The following RLN2 variants were observed in gnomAD, a reference collection of about 807,000 sequenced individuals.
RLN2 encodes relaxin 2.
A neutral mutation model predicts 7.3 loss-of-function variants in RLN2; 10 were observed. That is an observed-to-expected ratio of 1.36 (90% CI 0.84 to 2.31). The LOEUF is 2.31. Among genes scored for constraint, RLN2 ranks in the 30% most tolerant of loss-of-function variants. The pLI is 0.00. For missense variants in RLN2, 298 were observed against 217.6 expected, an observed-to-expected ratio of 1.37 and a Z score of -2.32; for synonymous variants, 103 against 82.3, an observed-to-expected ratio of 1.25 and a Z score of -1.36.
In RLN2 at chr9:5,304,656, G is replaced by C; in HGVS notation, c.-76C>G. On this transcript the variant is annotated 5_prime_UTR_variant, in exon 1 of 2. Transcript: ENST00000381627. ...GCAGCTGCTGTGGCCTACACACCTG[G>C]GCCTGTGTGCCTGTCCCGGGCTTTA... The C allele has an allele frequency of 1.4e-6, 2 of 1,465,916 alleles. No homozygotes were observed. Among genetic ancestry groups the C allele is most frequent in the Non-Finnish European group, 9.5e-7 (1 of 1,051,188 alleles). The allele number at this position is 1,465,916 out of a possible 1,614,324, so 90.8% of individuals were successfully genotyped here.
At chr9:5,330,320 A>G in the RLN2 span, among the ~76,000 whole-genome samples, 2 of 152,048 alleles carry the variant, frequency 1.3e-5, no homozygotes, top group African/African-American at 2.4e-5. Flanking sequence ...GAGATCTAAA[A>G]TTGACACTCT....
the RLN2 span, among the ~76,000 whole-genome samples, chr9:5,314,107 C>T: frequency 6.6e-6 from 1 of 152,038 alleles, no homozygotes; most frequent in Non-Finnish European, 1.5e-5. Flanking sequence ...GGAATCCACA[C>T]AGCTACACTC....
chr9:5,336,296 G>A, the RLN2 span, among the ~76,000 whole-genome samples: 12 of 152,056 alleles, frequency 7.9e-5, no homozygotes, highest in Non-Finnish European at 1.5e-4. Flanking sequence ...ATTCATATGT[G>A]CTGTGGTGTA....
chr9:5,328,172 T>C, the RLN2 span, among the ~76,000 whole-genome samples: 1 of 151,970 alleles, frequency 6.6e-6, no homozygotes, highest in South Asian at 2.1e-4. Context: ...GAAAAAAAGT[T>C]AGACGAATGG....
the RLN2 span, among the ~76,000 whole-genome samples, chr9:5,324,771 C>T: frequency 4.6e-5 from 7 of 152,064 alleles, no homozygotes; most frequent in South Asian, 4.2e-4. Context: ...CAGAGGCTGG[C>T]GTATTATTAT....
the RLN2 span, among the ~76,000 whole-genome samples, chr9:5,329,839 T>C: frequency 6.6e-6 from 1 of 151,912 alleles, no homozygotes; most frequent in Non-Finnish European, 1.5e-5. Flanking sequence ...CTGTCAATAA[T>C]AGACAGATCA....
At chr9:5,323,099 A>G in the RLN2 span, among the ~76,000 whole-genome samples, 58 of 151,734 alleles carry the variant, frequency 3.8e-4, 2 homozygotes, top group Admixed American at 1.2e-3. Context: ...GGTAACCTTT[A>G]TTCACCACAC....
At chr9:5,317,239 G>C in the RLN2 span, among the ~76,000 whole-genome samples, 1 of 151,888 alleles carries the variant, frequency 6.6e-6, no homozygotes, top group Non-Finnish European at 1.5e-5. Context: ...AATGTAAATG[G>C]ATTAAATTCT....
the RLN2 span, among the ~76,000 whole-genome samples, chr9:5,314,516 T>C: frequency 6.6e-6 from 1 of 151,978 alleles, no homozygotes; most frequent in Non-Finnish European, 1.5e-5. Context: ...CCAAACCCAA[T>C]CAGTTGCACA....
At chr9:5,311,322 G>A in the RLN2 span, 11 of 378,370 alleles carry the variant, frequency 2.9e-5, no homozygotes, top group African/African-American at 6.2e-5. Flanking sequence ...GCAGACATGT[G>A]ATGGGAGGAA....
At chr9:5,319,987 CTT>C in the RLN2 span, among the ~76,000 whole-genome samples, 48,132 of 144,804 alleles carry the variant, frequency 0.33, 8,578 homozygotes, top group Non-Finnish European at 0.41. Context: ...TAAGCTAACA[CTT>C]TTTTTTTTTT....
At chr9:5,325,878 T>C in the RLN2 span, among the ~76,000 whole-genome samples, 1 of 152,084 alleles carries the variant, frequency 6.6e-6, no homozygotes. Context: ...CCAAAGGCGA[T>C]GTCAAGGGAA....
chr9:5,320,009 G>A, the RLN2 span, among the ~76,000 whole-genome samples: 6 of 148,170 alleles, frequency 4.0e-5, no homozygotes, highest in South Asian at 2.1e-4. Context: ...TTTTTAAGAC[G>A]GAGTATCACT....
chr9:5,332,620 C>CTT, the RLN2 span, among the ~76,000 whole-genome samples: 1 of 138,324 alleles, frequency 7.2e-6, no homozygotes, highest in African/African-American at 2.7e-5. Flanking sequence ...ACTGAATGTG[C>CTT]TTTTTTTTTT....
the RLN2 span, among the ~76,000 whole-genome samples, chr9:5,325,084 A>T: frequency 6.6e-6 from 1 of 151,960 alleles, no homozygotes; most frequent in African/African-American, 2.4e-5. Context: ...TAATAATATA[A>T]CATTTTTACT....
the RLN2 span, among the ~76,000 whole-genome samples, chr9:5,323,443 T>C: frequency 6.6e-6 from 1 of 152,014 alleles, no homozygotes; most frequent in Non-Finnish European, 1.5e-5. Context: ...TTTCATCTTA[T>C]ATAACTTCTG....
upstream of RLN2, among the ~76,000 whole-genome samples, chr9:5,305,402 CAGAG>C (rs3834385): frequency 0.017 from 1,869 of 112,096 alleles, 23 homozygotes; most frequent in Non-Finnish European, 0.018. Flanking sequence ...CACACACACA[CAGAG>C]AGAGAGAGAG....
At chr9:5,333,461 A>T in the RLN2 span, among the ~76,000 whole-genome samples, 1 of 152,074 alleles carries the variant, frequency 6.6e-6, no homozygotes, top group Non-Finnish European at 1.5e-5. Context: ...CACCCTCTCA[A>T]GACTGAACCA....
In RLN2 at chr9:5,304,657, G is replaced by C. The variant is rs1027552672; in HGVS notation, c.-77C>G. On this transcript the variant is annotated 5_prime_UTR_variant, in exon 1 of 2. Transcript: ENST00000381627. The stretch of plus-strand genomic sequence containing the variant: ...CAGCTGCTGTGGCCTACACACCTGG[G>C]CCTGTGTGCCTGTCCCGGGCTTTAG... 2 of 1,426,096 alleles carry C rather than the reference G, an allele frequency of 1.4e-6. No individual in the cohort carries two copies. Among genetic ancestry groups the C allele is most frequent in the African/African-American group, 2.8e-5 (2 of 71,312 alleles). The allele number at this position is 1,426,096 out of a possible 1,614,324, so 88.3% of individuals were successfully genotyped here.
Sources: allele counts gnomAD v4.1 joint callset (sites outside exome capture counted in the v4.1 genomes callset), GRCh38; gene constraint gnomAD v4.1.1; transcripts MANE v1.5; gene names NCBI Gene and HGNC (gene_info 2026-07-23, HGNC 2026-07-21).